SLC25A18: variants seen among roughly 807,000 people sequenced by gnomAD.
The protein encoded by SLC25A18 is solute carrier family 25 member 18.
A neutral mutation model predicts 31.1 loss-of-function variants in SLC25A18; 24 were observed. The observed-to-expected ratio is 0.77, with a 90% CI of 0.56 to 1.08. The LOEUF (loss-of-function observed/expected upper bound fraction) is 1.08, where lower values mean the gene tolerates loss of function less well. SLC25A18 is among the 50% of genes least tolerant of loss of function. The pLI is 0.00. For synonymous variants in SLC25A18, 173 were observed against 161.9 expected (o/e 1.07, Z -0.52); for missense variants, 371 against 418.5 (o/e 0.89, Z 0.99).
At chr22:17,567,991 T>G (rs1203041497) in intron 1 of SLC25A18, among the ~76,000 whole-genome samples, 1 of 152,006 alleles carries the variant, frequency 6.6e-6, no homozygotes, top group African/African-American at 2.4e-5. Flanking sequence ...CTGTCTGGTT[T>G]TTTTGGCTGG....
intron 2 of SLC25A18, among the ~76,000 whole-genome samples, chr22:17,576,374 AAG>A (rs1439908425): frequency 6.6e-6 from 1 of 152,104 alleles, no homozygotes; most frequent in African/African-American, 2.4e-5. Flanking sequence ...AGAAAAAAAA[AAG>A]AAGTCTATTC....
chr22:17,568,555 CT>C (rs695361), intron 1 of SLC25A18, among the ~76,000 whole-genome samples: 1,546 of 62,360 alleles, frequency 0.025, 6 homozygotes, highest in African/African-American at 0.08. Flanking sequence ...TAAAGTACAT[CT>C]TTTTTTTTTT....
At chr22:17,574,556 G>T (rs958099492) in intron 2 of SLC25A18, among the ~76,000 whole-genome samples, 1 of 145,446 alleles carries the variant, frequency 6.9e-6, no homozygotes, top group African/African-American at 2.6e-5. Flanking sequence ...TTGCTCTGTC[G>T]CCCAGGCTAG....
chr22:17,588,315 G>C, intron 9 of SLC25A18: 3 of 473,538 alleles, frequency 6.3e-6, no homozygotes, highest in African/African-American at 2.0e-5. Flanking sequence ...CCTCAGAAGA[G>C]TTGTGAGCCC....
At position 17,582,629 on chromosome 22, in the gene SLC25A18, T is replaced by TC; in HGVS notation, c.268dup (p.Arg90ProfsTer119). ...ATCAAGCTGGCGGCCAACGACTTTT[T>TC]CCGGCGGCTGCTCATGGAAGATGGG... On this transcript the variant is annotated frameshift_variant, in exon 6 of 11. Coordinates refer to ENST00000327451, the MANE Select transcript of SLC25A18 (RefSeq NM_031481.3). LOFTEE classifies it high-confidence loss of function. 1 of 1,604,368 alleles carries TC rather than the reference T, an allele frequency of 6.2e-7. No individual in the cohort carries two copies. Among genetic ancestry groups the TC allele is most frequent in the Non-Finnish European group, 8.5e-7 (1 of 1,175,016 alleles).
intron 5 of SLC25A18, 188 bp from the exon 6 acceptor site, chr22:17,582,375 A>G: frequency 5.3e-6 from 2 of 378,792 alleles, no homozygotes; most frequent in African/African-American, 2.1e-5. Context: ...GACTCCATCT[A>G]AAAAAAAAGG....
intron 7 of SLC25A18, chr22:17,584,123 G>T: frequency 1.0e-6 from 1 of 981,540 alleles, no homozygotes; most frequent in Non-Finnish European, 1.2e-6. Flanking sequence ...GCTGGGTGCC[G>T]TGGCTCACGC....
chr22:17,575,417 A>G (rs2057206941), intron 2 of SLC25A18, among the ~76,000 whole-genome samples: 1 of 152,188 alleles, frequency 6.6e-6, no homozygotes, highest in Non-Finnish European at 1.5e-5. Context: ...GTGCAGTAAT[A>G]AGGCAGAAGT....
intron 2 of SLC25A18, among the ~76,000 whole-genome samples, chr22:17,572,104 T>TG (rs1415164017): frequency 6.6e-6 from 1 of 151,766 alleles, no homozygotes; most frequent in Non-Finnish European, 1.5e-5. Flanking sequence ...GGAGAATCAC[T>TG]GGAACCTGGG....
intron 2 of SLC25A18, among the ~76,000 whole-genome samples, chr22:17,575,676 A>G (rs1365620633): frequency 6.6e-6 from 1 of 152,224 alleles, no homozygotes; most frequent in South Asian, 2.1e-4. Context: ...TCCCAGTGCA[A>G]CTAACCCGGA....
At chr22:17,580,753 G>A (rs1196364852) in intron 3 of SLC25A18, 6 of 1,194,482 alleles carry the variant, frequency 5.0e-6, no homozygotes, top group Non-Finnish European at 6.2e-6. Flanking sequence ...GGGCAGAGCG[G>A]TGCCCTGGTG....
At chr22:17,577,213 G>A (rs942147552) in intron 2 of SLC25A18, among the ~76,000 whole-genome samples, 3 of 152,116 alleles carry the variant, frequency 2.0e-5, no homozygotes, top group Non-Finnish European at 2.9e-5. Flanking sequence ...TAGTAGAGAC[G>A]GGGTTTCACC....
intron 3 of SLC25A18, chr22:17,580,740 T>A (rs1025087553): frequency 3.5e-6 from 4 of 1,152,934 alleles, no homozygotes; most frequent in Non-Finnish European, 2.1e-6. Context: ...CCGGGGAAGC[T>A]TGGGGCAGAG....
chr22:17,586,521 G>A (rs1413761362), intron 7 of SLC25A18, among the ~76,000 whole-genome samples: 2 of 149,818 alleles, frequency 1.3e-5, no homozygotes, highest in African/African-American at 2.5e-5. Flanking sequence ...GCACATGCCT[G>A]TAATCCCAGC....
rs774250353 is a variant in SLC25A18 at position 17,582,600 on chromosome 22, G to T, written c.237G>T (p.Lys79Asn). The change falls in exon 6 of 11, where the codon AAG becomes AAT. Residue 79 changes from lysine to asparagine, a missense_variant. Coordinates refer to ENST00000327451, the MANE Select transcript of SLC25A18 (RefSeq NM_031481.3). Reference protein sequence around the residue: ...AVNLTLVTPEKAIKLAANDFF... With the variant: ...AVNLTLVTPENAIKLAANDFF... ...ACCTCACTCTGGTCACTCCAGAGAA[G>T]GCCATCAAGCTGGCGGCCAACGACT... 21 of 1,604,932 alleles carry T rather than the reference G, an allele frequency of 1.3e-5. No individual in the cohort carries two copies. Among genetic ancestry groups the T allele is most frequent in the Non-Finnish European group, 1.6e-5 (19 of 1,175,396 alleles).
At chr22:17,566,442 C>T (rs1333829694) in intron 1 of SLC25A18, among the ~76,000 whole-genome samples, 2 of 151,568 alleles carry the variant, frequency 1.3e-5, no homozygotes, top group Admixed American at 6.6e-5. Flanking sequence ...ACTGGAGCCT[C>T]GCTCTTGTTG....
chr22:17,566,641 A>G (rs576194731), intron 1 of SLC25A18, among the ~76,000 whole-genome samples: 4 of 151,562 alleles, frequency 2.6e-5, no homozygotes, highest in Non-Finnish European at 5.9e-5. Flanking sequence ...CGAACTCCCA[A>G]CCTCAGGTGA....
intron 7 of SLC25A18, among the ~76,000 whole-genome samples, chr22:17,586,815 C>G (rs529009632): frequency 1.2e-3 from 176 of 152,114 alleles, no homozygotes; most frequent in Non-Finnish European, 2.0e-3. Flanking sequence ...AAATGGAAGC[C>G]AGATCAAAAC....
chr22:17,584,422 A>AGAAAGAAAGAAAGAAAGAAAGAAAG (rs201926051), intron 7 of SLC25A18, among the ~76,000 whole-genome samples: 5,673 of 133,316 alleles, frequency 0.043, 264 homozygotes, highest in Non-Finnish European at 0.066. Flanking sequence ...AAAGAAAGAA[A>AGAAAGAAAGAAAGAAAGAAAGAAAG]GAAGGAAGGA....
Sources: allele counts gnomAD v4.1 joint callset (sites outside exome capture counted in the v4.1 genomes callset), GRCh38; gene constraint gnomAD v4.1.1; transcripts MANE v1.5; gene names NCBI Gene and HGNC (gene_info 2026-07-23, HGNC 2026-07-21).